The following GNA13 variants were observed in gnomAD, a reference collection of about 807,000 sequenced individuals.
The protein encoded by GNA13 is G protein subunit alpha 13, also known as guanine nucleotide-binding protein subunit alpha-13.
GNA13 carries 4 observed loss-of-function variants against 33.5 expected under a neutral mutation model. The observed-to-expected ratio is 0.12, with a 90% confidence interval of 0.06 to 0.27. The LOEUF (loss-of-function observed/expected upper bound fraction) is 0.27. GNA13 is among the 10% of genes least tolerant of loss of function. The pLI, the probability that GNA13 is intolerant of heterozygous loss-of-function variation, is 1.00. For missense variants in GNA13, 319 were observed against 487.2 expected (o/e 0.65, Z 3.25); for synonymous variants, 176 against 183.8 (o/e 0.96, Z 0.34).
chr17:65,031,995 C>T (rs896357065), intron 2 of GNA13, among the ~76,000 whole-genome samples: 11 of 150,494 alleles, frequency 7.3e-5, no homozygotes, highest in Admixed American at 2.7e-4. Context: ...ATCAATAATT[C>T]GCATATGTAT....
At chr17:65,018,331 AT>A in intron 2 of GNA13, 28 bp from the exon 3 acceptor site, 1 of 1,094,252 alleles carries the variant, frequency 9.1e-7, no homozygotes, top group Non-Finnish European at 1.4e-6. Flanking sequence ...ACAAATAGTT[AT>A]TAGGGCTTAG....
intron 2 of GNA13, among the ~76,000 whole-genome samples, chr17:65,040,844 A>C (rs1598494516): frequency 6.6e-6 from 1 of 152,276 alleles, no homozygotes; most frequent in East Asian, 1.9e-4. Flanking sequence ...TATCTGTCTA[A>C]AGTATACCCC....
At position 65,056,569 on chromosome 17, in the gene GNA13, A is replaced by T. The variant is rs773338310; in HGVS notation, c.25T>A (p.Ser9Thr). 1.9e-6 allele frequency: 3 copies of T among 1,607,320 alleles called. No homozygotes were observed. The highest frequency in any genetic ancestry group is 2.5e-6 in the Non-Finnish European group (3 of 1,178,026). Residue 9 changes from serine (S) to threonine (T), a missense_variant, in exon 1 of 4, where the codon TCC (serine) becomes ACC (threonine). Coordinates refer to ENST00000439174, the MANE Select transcript of GNA13 (RefSeq NM_006572.6). The stretch of plus-strand genomic sequence containing the variant: ...CCGGGGAAGCACACGGACAGCACGG[A>T]CCGCGACGGCAGGAAGTCCGCCATC... MADFLPSR[S>T]VLSVCFPGCL...
At chr17:65,035,220 G>T (rs1907197301) in intron 2 of GNA13, among the ~76,000 whole-genome samples, 2 of 152,144 alleles carry the variant, frequency 1.3e-5, no homozygotes, top group African/African-American at 4.8e-5. Context: ...TTACCATTTA[G>T]CACCACTATC....
intron 2 of GNA13, chr17:65,053,097 G>C (rs1392311805): frequency 1.2e-5 from 2 of 162,442 alleles, no homozygotes; most frequent in African/African-American, 2.4e-5. Context: ...AATTATGGAA[G>C]TCAGTGAAAA....
intron 2 of GNA13, among the ~76,000 whole-genome samples, chr17:65,040,339 G>C (rs1323958876): frequency 2.6e-5 from 4 of 152,176 alleles, no homozygotes; most frequent in African/African-American, 9.7e-5. Flanking sequence ...CATGTTTGAA[G>C]CTGTGGCAAA....
chr17:65,055,311 G>T (rs1908006014), intron 1 of GNA13, among the ~76,000 whole-genome samples: 1 of 152,024 alleles, frequency 6.6e-6, no homozygotes, highest in African/African-American at 2.4e-5. Flanking sequence ...CCATCTTTTC[G>T]ATTTCTTTGA....
chr17:65,056,251 A>ACCC, intron 1 of GNA13, 60 bp downstream of exon 1: 40 of 740,682 alleles, frequency 5.4e-5, no homozygotes, highest in Non-Finnish European at 6.4e-5. Flanking sequence ...CCCGCCCCGC[A>ACCC]CCCGCCGCCG....
At chr17:65,031,857 C>T (rs976002467) in intron 2 of GNA13, among the ~76,000 whole-genome samples, 29 of 126,382 alleles carry the variant, frequency 2.3e-4, no homozygotes, top group Middle Eastern at 5.5e-3. Flanking sequence ...TACACCAACC[C>T]GGACAACATA....
chr17:65,030,917 A>G (rs964985858), intron 2 of GNA13, among the ~76,000 whole-genome samples: 3 of 152,240 alleles, frequency 2.0e-5, no homozygotes, highest in Admixed American at 6.5e-5. Context: ...ATCACCTGCA[A>G]GTGTCTTTTA....
Position 65,010,030 on chromosome 17 carries a change from T to G in GNA13, c.*4227A>C, listed in dbSNP as rs1362790935. Among the ~76,000 whole-genome samples the G allele has an allele frequency of 6.6e-6, 1 of 152,226 alleles. No individual in the cohort carries two copies. ...TAAACTTTCATCATCAACAGCAGATTTGTATATGTCACAAAACTCTCCTTA... is the reference window on the plus strand; with the variant it reads ...TAAACTTTCATCATCAACAGCAGATGTGTATATGTCACAAAACTCTCCTTA... On this transcript the variant is annotated 3_prime_UTR_variant, in exon 4 of 4. Transcript: ENST00000439174.
chr17:65,024,943 T>A (rs1420510495), intron 2 of GNA13, among the ~76,000 whole-genome samples: 2 of 152,162 alleles, frequency 1.3e-5, no homozygotes, highest in Non-Finnish European at 1.5e-5. Flanking sequence ...TGGAGTACAG[T>A]GGCACAATGT....
chr17:65,029,983 A>G (rs1252875765), intron 2 of GNA13, among the ~76,000 whole-genome samples: 1 of 152,206 alleles, frequency 6.6e-6, no homozygotes, highest in South Asian at 2.1e-4. Context: ...CTTCAGTGGC[A>G]TAAAGTGCGT....
intron 1 of GNA13, 56 bp downstream of exon 1, chr17:65,056,255 G>GCCCCCCCCCCCCC: frequency 2.0e-6 from 1 of 508,072 alleles, no homozygotes; most frequent in Non-Finnish European, 3.5e-6. Context: ...CCCCGCACCC[G>GCCCCCCCCCCCCC]CCGCCGCCCC....
chr17:65,024,927 C>T (rs897202656), intron 2 of GNA13, among the ~76,000 whole-genome samples: 2 of 152,042 alleles, frequency 1.3e-5, no homozygotes, highest in African/African-American at 4.8e-5. Flanking sequence ...CTCTGGTTAT[C>T]CAGGCTGGAG....
intron 2 of GNA13, among the ~76,000 whole-genome samples, chr17:65,040,699 G>C (rs893776858): frequency 6.6e-6 from 1 of 152,022 alleles, no homozygotes; most frequent in African/African-American, 2.4e-5. Context: ...CACCATCTTC[G>C]CCAGGATGGT....
intron 2 of GNA13, among the ~76,000 whole-genome samples, chr17:65,023,183 C>A (rs1314304216): frequency 6.6e-6 from 1 of 152,200 alleles, no homozygotes; most frequent in African/African-American, 2.4e-5. Context: ...ATGCGTGGAA[C>A]AGAAAGGGGG....
At chr17:65,053,456 C>G in intron 2 of GNA13, 46 bp downstream of exon 2, 1 of 1,194,820 alleles carries the variant, frequency 8.4e-7, no homozygotes, top group Non-Finnish European at 1.2e-6. Flanking sequence ...TATTACTAAA[C>G]ATCATTAAAA....
intron 2 of GNA13, among the ~76,000 whole-genome samples, chr17:65,033,172 T>C (rs1176924809): frequency 1.3e-5 from 2 of 151,446 alleles, no homozygotes; most frequent in Admixed American, 1.3e-4. Flanking sequence ...ATGAGGGTAA[T>C]ACTGTCATTG....
Sources: gnomAD v4.1 joint callset for allele counts (sites outside exome capture counted in the v4.1 genomes callset) on GRCh38, gnomAD v4.1.1 for gene constraint, MANE v1.5 for transcripts, NCBI Gene and HGNC (gene_info 2026-07-23, HGNC 2026-07-21) for gene names.